STAG3: variants seen among roughly 807,000 people sequenced by gnomAD.
The protein encoded by STAG3 is cohesin subunit SA-3.
STAG3 carries 101 observed loss-of-function variants against 160.7 expected under a neutral mutation model. The ratio of observed to expected loss-of-function variants is 0.63; its 90% CI spans 0.54 to 0.74. STAG3 has a LOEUF of 0.74. Among genes scored for constraint, STAG3 ranks in the 30% least tolerant of loss-of-function variants. The pLI, the probability that STAG3 is intolerant of heterozygous loss-of-function variation, is 0.00. For synonymous variants in STAG3, 519 were observed against 585.0 expected, an observed-to-expected ratio of 0.89 and a Z score of 1.63; for missense variants, 1,188 against 1,517.4, an observed-to-expected ratio of 0.78 and a Z score of 3.61.
chr7:100,189,114 T>G, intron 7 of STAG3, 98 bp downstream of exon 7: 1 of 1,364,386 alleles, frequency 7.3e-7, no homozygotes, highest in Non-Finnish European at 1.0e-6. Context: ...GCATCTTGGC[T>G]CTTCACTTCA....
chr7:100,198,013 G>A (rs1800801124), intron 11 of STAG3, 74 bp from the exon 12 acceptor site: 17 of 1,559,818 alleles, frequency 1.1e-5, no homozygotes, highest in Non-Finnish European at 1.4e-5. Context: ...CTCTTTAGGA[G>A]TCTCTGATTC....
Position 100,200,548 on chromosome 7 carries a change from GAGAT to G in STAG3, c.1860+11_1860+14del, listed in dbSNP as rs1236515099. The G allele has an allele frequency of 3.7e-6, 6 of 1,613,714 alleles. No homozygotes were observed. The highest frequency in any genetic ancestry group is 5.1e-6 in the Non-Finnish European group (6 of 1,179,970). On this transcript the variant is annotated splice_region_variant and intron_variant, in intron 18 of 33. Transcript: ENST00000615138. ...GCACTGGGCGCTTGGAGAAGGTAGG[GAGAT>G]AGATTTCCTATACCTTGCTGCTTGC...
At chr7:100,205,512 C>T in intron 29 of STAG3, 128 bp downstream of exon 29, 3 of 1,018,682 alleles carry the variant, frequency 2.9e-6, no homozygotes, top group Non-Finnish European at 4.1e-6. Context: ...CAAGGTTTAT[C>T]TAGTCAACTG....
intron 8 of STAG3, among the ~76,000 whole-genome samples, chr7:100,192,559 A>G (rs1038420771): frequency 3.9e-5 from 6 of 152,142 alleles, no homozygotes; most frequent in African/African-American, 1.4e-4. Flanking sequence ...AAAATGGTGA[A>G]TCCTTCCCGG....
At position 100,199,250 on chromosome 7, in the gene STAG3, G is replaced by T. The variant is rs371194043; in HGVS notation, c.1468-12G>T. 6 of 1,587,758 alleles carry T rather than the reference G, an allele frequency of 3.8e-6. No individual in the cohort carries two copies. The highest frequency in any genetic ancestry group is 5.2e-6 in the Non-Finnish European group (6 of 1,156,096). On this transcript the variant is annotated splice_polypyrimidine_tract_variant and intron_variant, in intron 14 of 33. Transcript: ENST00000615138. ...ATGCTATCATTAACTCCCCATGCAC[G>T]TTCTCCCCTAGCTCCATGACCACGC...
chr7:100,188,758 G>T, intron 6 of STAG3, 54 bp from the exon 7 acceptor site: 1 of 1,574,186 alleles, frequency 6.4e-7, no homozygotes, highest in South Asian at 1.1e-5. Context: ...AAGCCCCTAT[G>T]ACTTCATGGA....
At position 100,188,840 on chromosome 7, in the gene STAG3, C is replaced by T; in HGVS notation, c.539C>T (p.Pro180Leu). The change falls in exon 7 of 34, where the codon CCA becomes CTA. Residue 180 changes from proline (P) to leucine (L), a missense_variant. Around this residue, in one of 4 missense-constraint regions of STAG3, gnomAD observed 296 missense variants for 404.0 expected, o/e 0.73. Transcript: ENST00000615138. ...EDSGDYPLIA[P>L]GPSWKKFQGS... The stretch of plus-strand genomic sequence containing the variant: ...TCGGGGGACTACCCTCTCATAGCTC[C>T]AGGTCCATCCTGGAAGAAGTTCCAG... 6.2e-7 allele frequency: 1 copy of T among 1,614,102 alleles called. No homozygotes were observed. Among genetic ancestry groups the T allele is most frequent in the Non-Finnish European group, 8.5e-7 (1 of 1,180,012 alleles).
In STAG3 at chr7:100,200,178, A is replaced by G. The variant is rs117672080; in HGVS notation, c.1678-58A>G. The G allele has an allele frequency of 3.1e-3, 4,147 of 1,323,208 alleles. 92 individuals are homozygous for G. The East Asian group carries it at 0.037, about 12-fold the overall frequency. The allele number at this position is 1,323,208 out of a possible 1,614,324, so 82.0% of individuals were successfully genotyped here. A position where few individuals can be genotyped will look rare whatever the true frequency, so the allele number is the denominator to read the frequency against. ...GGTCATGGGGAGGAGGACTGCACAC[A>G]CCCCCTGCACCAGTGTTTCTTTACA... On this transcript the variant is annotated intron_variant, in intron 16 of 33. Coordinates refer to ENST00000615138, the MANE Select transcript of STAG3 (RefSeq NM_001282717.2).
intron 9 of STAG3, among the ~76,000 whole-genome samples, chr7:100,196,516 G>T (rs1259809339): frequency 6.6e-6 from 1 of 152,168 alleles, no homozygotes; most frequent in East Asian, 1.9e-4. Flanking sequence ...TGGAGACCGG[G>T]TGCAGTGGCT....
intron 4 of STAG3, 88 bp from the exon 5 acceptor site, chr7:100,186,111 GT>G (rs1413480272): frequency 6.8e-6 from 7 of 1,024,710 alleles, no homozygotes; most frequent in African/African-American, 3.2e-5. Context: ...TTTTACAGAA[GT>G]TTAGATGGTT....
rs944664036 is a variant in STAG3, at chr7:100,207,095, C to T, written c.3238+1711C>T. Among the ~76,000 whole-genome samples the T allele has an allele frequency of 6.6e-6, 1 of 152,158 alleles. No individual in the cohort carries two copies. Among genetic ancestry groups the T allele is most frequent in the African/African-American group, 2.4e-5 (1 of 41,440 alleles). ...ACCTTTTTATGGCCGAAACAATATGCCATCGTGTGGATATGCCACATTCTA... is the reference window on the plus strand; with the variant it reads ...ACCTTTTTATGGCCGAAACAATATGTCATCGTGTGGATATGCCACATTCTA... On this transcript the variant is annotated intron_variant, in intron 29 of 33. Transcript: ENST00000615138. This position sits in a 1 kb window ranked among gnomAD's most constrained non-coding sequence, Gnocchi z 4.0.
Position 100,199,583 on chromosome 7 carries a change from T to G in STAG3, c.1616T>G (p.Val539Gly). ...GAGAGCACACTGATAGAAATCCTTG[T>G]GTCCAGTGCCCGGCAAGCTTCAGAG... is the stretch of plus-strand genomic sequence containing the variant. The part of the protein sequence containing the change: ...VQESTLIEIL[V>G]SSARQASEGH... Residue 539 changes from valine (V) to glycine (G), a missense_variant, in exon 16 of 34, where the codon GTG becomes GGG. Transcript: ENST00000615138. 2 of 1,602,128 alleles carry G rather than the reference T, an allele frequency of 1.2e-6. No individual in the cohort carries two copies. The highest frequency in any genetic ancestry group is 1.7e-6 in the Non-Finnish European group (2 of 1,174,452).
chr7:100,217,203 A>G (rs530430019), downstream of STAG3, among the ~76,000 whole-genome samples: 1 of 152,332 alleles, frequency 6.6e-6, no homozygotes, highest in East Asian at 1.9e-4. Context: ...TTTCTACTGC[A>G]CAACATCTGT....
At chr7:100,213,875 A>C (rs913748892) in intron 33 of STAG3, 69 bp downstream of exon 33, 5 of 1,613,568 alleles carry the variant, frequency 3.1e-6, no homozygotes, top group Admixed American at 3.3e-5. Flanking sequence ...GCACTCATCA[A>C]ATTGACAGGC....
At chr7:100,195,500 C>A in intron 9 of STAG3, 118 bp downstream of exon 9, 1 of 871,670 alleles carries the variant, frequency 1.1e-6, no homozygotes, top group Non-Finnish European at 1.8e-6. Context: ...AGAATTAATG[C>A]AGCTGGAGCA....
At chr7:100,203,974 G>GTCT (rs1475169939) in intron 25 of STAG3, 47 bp from the exon 26 acceptor site, 1 of 1,343,346 alleles carries the variant, frequency 7.4e-7, no homozygotes, top group African/African-American at 1.4e-5. Context: ...AAACCAAATG[G>GTCT]TCTTTTCCAC....
At chr7:100,194,043 G>T (rs1222640548) in intron 8 of STAG3, among the ~76,000 whole-genome samples, 3 of 151,410 alleles carry the variant, frequency 2.0e-5, no homozygotes, top group Non-Finnish European at 2.9e-5. Context: ...CATCTCCTGG[G>T]TTCAAGTGAT....
In STAG3 at chr7:100,213,788, TAC is replaced by T. The variant is rs1251403919; in HGVS notation, c.3656_3657del (p.Thr1219ArgfsTer5). The T allele has an allele frequency of 1.4e-5, 23 of 1,614,116 alleles. No homozygotes were observed. The highest frequency in any genetic ancestry group is 1.9e-5 in the Non-Finnish European group (22 of 1,180,052). On this transcript the variant is annotated frameshift_variant, in exon 33 of 34. Transcript: ENST00000615138. LOFTEE classifies it high-confidence loss of function. ...AGCGCGGGCTGGACCTCTTAGATTC[TAC>T]AGAGCTGGATATTGAGGTGAGTGTC... ...SERGLDLLDS[T>X]ELDIEDF
chr7:100,201,142 G>A lies in STAG3; in HGVS notation c.2114G>A (p.Arg705His), dbSNP rs367761240. The change falls in exon 20 of 34, where the codon CGC (arginine) becomes CAC (histidine). Residue 705 changes from arginine (R) to histidine (H), a missense_variant. Coordinates refer to ENST00000615138, the MANE Select transcript of STAG3 (RefSeq NM_001282717.2). ...EVYNLAATLKRLSAFYNTHDL... is the reference protein window; with the variant it reads ...EVYNLAATLKHLSAFYNTHDL... ...TATAATCTGGCAGCCACTCTGAAAC[G>A]CCTCTCTGCCTTCTACAAGTGAGTG... 17 of 1,614,182 alleles carry A rather than the reference G, an allele frequency of 1.1e-5. 1 individual carries two copies. The South Asian group carries it at 1.2e-4, about 11-fold the overall frequency.
Sources: allele counts gnomAD v4.1 joint callset (sites outside exome capture counted in the v4.1 genomes callset), GRCh38; gene constraint gnomAD v4.1.1; regional missense constraint gnomAD v4.1.1; non-coding constraint Gnocchi (gnomAD v3.1); transcripts MANE v1.5; gene names NCBI Gene and HGNC (gene_info 2026-07-23, HGNC 2026-07-21).